The following CDH13 variants were observed in gnomAD, a reference collection of about 807,000 sequenced individuals.
The protein encoded by CDH13 is cadherin-13.
In CDH13, 24 loss-of-function variants were observed where a neutral mutation model predicts 63.8. The ratio of observed to expected loss-of-function variants is 0.38; its 90% CI spans 0.27 to 0.53. The LOEUF is 0.53. Among genes scored for constraint, CDH13 ranks in the 20% least tolerant of loss-of-function variants. The probability of loss-of-function intolerance (pLI) is 0.85; values close to 1 mark genes in which losing one functional copy is unlikely to be tolerated. For missense variants in CDH13, 1,049 were observed against 903.1 expected (o/e 1.16, Z -2.07); for synonymous variants, 503 against 355.3 (o/e 1.42, Z -4.67).
At chr16:83,196,667 G>A (rs1295092590) in intron 4 of CDH13, among the ~76,000 whole-genome samples, 2 of 152,156 alleles carry the variant, frequency 1.3e-5, no homozygotes, top group East Asian at 1.9e-4. Context: ...TATGAGGATA[G>A]CAAATAAGCT....
intron 6 of CDH13, among the ~76,000 whole-genome samples, chr16:83,473,961 C>G (rs2073532933): frequency 6.6e-6 from 1 of 152,108 alleles, no homozygotes; most frequent in African/African-American, 2.4e-5. Flanking sequence ...GGTACGAACC[C>G]TCATAAAGGT....
At chr16:83,703,224 A>T (rs936551365) in intron 10 of CDH13, among the ~76,000 whole-genome samples, 1 of 152,196 alleles carries the variant, frequency 6.6e-6, no homozygotes, top group African/African-American at 2.4e-5. Flanking sequence ...ACTTTTTTCC[A>T]ACAGTCACAC....
At chr16:83,512,701 G>A (rs551724336) in intron 7 of CDH13, among the ~76,000 whole-genome samples, 1 of 147,748 alleles carries the variant, frequency 6.8e-6, no homozygotes, top group Non-Finnish European at 1.5e-5. Context: ...AATAATAATA[G>A]TAATAAAGAA....
chr16:83,738,373 C>A (rs141667680), intron 10 of CDH13, among the ~76,000 whole-genome samples: 5 of 152,330 alleles, frequency 3.3e-5, no homozygotes, highest in Admixed American at 6.5e-5. Context: ...AGGCTGGAAG[C>A]CTCTAGGCAA....
intron 1 of CDH13, among the ~76,000 whole-genome samples, chr16:82,645,337 G>A (rs141776006): frequency 0.017 from 2,657 of 152,258 alleles, 41 homozygotes; most frequent in Non-Finnish European, 0.027. Flanking sequence ...GTGTCACTGT[G>A]AATATTTGCT....
At chr16:83,283,226 C>T (rs984810152) in intron 5 of CDH13, among the ~76,000 whole-genome samples, 2 of 152,128 alleles carry the variant, frequency 1.3e-5, no homozygotes, top group Non-Finnish European at 2.9e-5. Context: ...CTGGATGATA[C>T]CAATGGCCAG....
chr16:83,486,757 A>G, intron 7 of CDH13, 102 bp downstream of exon 7: 1 of 1,044,434 alleles, frequency 9.6e-7, no homozygotes, highest in South Asian at 1.5e-5. Flanking sequence ...TTAATACTGT[A>G]AAGGCAGAAA....
At chr16:82,700,439 C>T (rs2030844146) in intron 1 of CDH13, among the ~76,000 whole-genome samples, 1 of 151,926 alleles carries the variant, frequency 6.6e-6, no homozygotes, top group African/African-American at 2.4e-5. Flanking sequence ...GTATAATGTA[C>T]ATAAGTGGAC....
intron 1 of CDH13, among the ~76,000 whole-genome samples, chr16:82,684,060 A>C (rs933888839): frequency 6.6e-6 from 1 of 152,220 alleles, no homozygotes; most frequent in African/African-American, 2.4e-5. Flanking sequence ...GAGGCAACCA[A>C]ATGATCAAGG....
chr16:83,780,922 C>T (rs914567389), intron 12 of CDH13, among the ~76,000 whole-genome samples: 1 of 152,176 alleles, frequency 6.6e-6, no homozygotes, highest in African/African-American at 2.4e-5. Flanking sequence ...GGTGTACCTG[C>T]TGTCATAAAA....
intron 1 of CDH13, among the ~76,000 whole-genome samples, chr16:82,630,507 C>T (rs534214635): frequency 3.3e-5 from 5 of 152,270 alleles, no homozygotes; most frequent in East Asian, 3.9e-4. Flanking sequence ...TTGGGTTTTC[C>T]GTTAAGTAAA....
intron 4 of CDH13, among the ~76,000 whole-genome samples, chr16:83,182,959 G>T (rs530030513): frequency 1.3e-5 from 2 of 151,826 alleles, no homozygotes; most frequent in African/African-American, 4.8e-5. Flanking sequence ...ACCAATTGTG[G>T]CAGTTTTCTG....
At chr16:83,160,795 C>A (rs1264763605) in intron 4 of CDH13, among the ~76,000 whole-genome samples, 4 of 152,204 alleles carry the variant, frequency 2.6e-5, no homozygotes, top group African/African-American at 9.6e-5. Context: ...CAACTGTAAC[C>A]ATGGCAACCT....
chr16:83,678,157 C>T, intron 9 of CDH13, 51 bp from the exon 10 acceptor site: 3 of 1,565,768 alleles, frequency 1.9e-6, no homozygotes, highest in South Asian at 1.2e-5. Context: ...TGCAAACCAC[C>T]TGCCTTTTGT....
intron 6 of CDH13, among the ~76,000 whole-genome samples, chr16:83,461,820 A>T (rs1278082689): frequency 6.6e-6 from 1 of 152,208 alleles, no homozygotes; most frequent in East Asian, 1.9e-4. Context: ...GCTATAGTGG[A>T]ACTTCGAGGT....
chr16:83,746,542 C>T (rs568685576), intron 10 of CDH13, among the ~76,000 whole-genome samples: 10 of 152,206 alleles, frequency 6.6e-5, no homozygotes, highest in East Asian at 1.9e-4. Flanking sequence ...CGTGAAGACT[C>T]GGGGTTAACT....
intron 4 of CDH13, among the ~76,000 whole-genome samples, chr16:83,135,108 G>A (rs549902966): frequency 5.3e-5 from 8 of 152,254 alleles, no homozygotes; most frequent in African/African-American, 1.7e-4. Context: ...ACTACCTAAT[G>A]AATGTCTGGA....
At chr16:83,142,087 C>T (rs901013881) in intron 4 of CDH13, among the ~76,000 whole-genome samples, 23 of 151,634 alleles carry the variant, frequency 1.5e-4, no homozygotes, top group South Asian at 8.3e-4. Flanking sequence ...ATAACCGAAA[C>T]GGGCTATCTG....
chr16:83,205,375 A>T (rs1031747113), intron 4 of CDH13, among the ~76,000 whole-genome samples: 6 of 152,166 alleles, frequency 3.9e-5, no homozygotes, highest in African/African-American at 1.4e-4. Flanking sequence ...AATAAAATGC[A>T]ATGATTGAAT....
Sources: gnomAD v4.1 joint callset for allele counts (sites outside exome capture counted in the v4.1 genomes callset) on GRCh38, gnomAD v4.1.1 for gene constraint, MANE v1.5 for transcripts, NCBI Gene and HGNC (gene_info 2026-07-23, HGNC 2026-07-21) for gene names.